Variants in SERBP1 observed in about 807,000 individuals in gnomAD.
The protein encoded by SERBP1 is SERPINE1 mRNA-binding protein 1.
In SERBP1, 6 loss-of-function variants were observed where a neutral mutation model predicts 50.2. The ratio of observed to expected loss-of-function variants is 0.12; its 90% CI spans 0.07 to 0.24. The LOEUF is 0.24. Ranked by LOEUF, SERBP1 falls within the 10% of genes least tolerant of loss-of-function variation. The probability of loss-of-function intolerance (pLI) is 1.00; values close to 1 mark genes in which losing one functional copy is unlikely to be tolerated. For missense variants in SERBP1, 346 were observed against 524.9 expected (o/e 0.66, Z 3.33); for synonymous variants, 168 against 182.8 (o/e 0.92, Z 0.65).
rs1389286843 is a variant in SERBP1 at position 67,411,453 on chromosome 1, A to C, written c.*1754T>G. 1 of 152,164 alleles carries C rather than the reference A, an allele frequency of 6.6e-6. No individual in the cohort carries two copies. Among genetic ancestry groups the C allele is most frequent in the Non-Finnish European group, 1.5e-5 (1 of 68,008 alleles). The allele number at this position is 152,164 out of a possible 1,614,324, so 9.4% of individuals were successfully genotyped here. A position where few individuals can be genotyped will look rare whatever the true frequency, so the allele number is the denominator to read the frequency against. On this transcript the variant is annotated 3_prime_UTR_variant, in exon 8 of 8. Transcript: ENST00000361219. ...GTCAATAGTTCATATGGACTAAATT[A>C]ATCTCTGGGTAGCACGTATGTGTGT...
chr1:67,429,852 T>C, intron 1 of SERBP1, 136 bp downstream of exon 1: 1 of 1,022,950 alleles, frequency 9.8e-7, no homozygotes, highest in Non-Finnish European at 1.4e-6. Context: ...CGGACTTTTG[T>C]CGCGTGAAGA....
At chr1:67,414,116 C>G (rs1666929226) in intron 7 of SERBP1, among the ~76,000 whole-genome samples, 1 of 152,180 alleles carries the variant, frequency 6.6e-6, no homozygotes, top group African/African-American at 2.4e-5. Context: ...TCCAATAAAC[C>G]ATACAAGTAG....
rs1051823186 is a variant in SERBP1 at position 67,419,993 on chromosome 1, C to T, written c.951+16G>A. 11 of 1,611,276 alleles carry T rather than the reference C, an allele frequency of 6.8e-6. No individual in the cohort carries two copies. Among genetic ancestry groups the T allele is most frequent in the Non-Finnish European group, 7.6e-6 (9 of 1,178,020 alleles). On this transcript the variant is annotated intron_variant, in intron 6 of 7. Transcript: ENST00000361219. ...CACATCTGAACATTTTCAAACACGACAAAACTTAATTTTACCTCTTCACTC... is the reference window on the plus strand; with the variant it reads ...CACATCTGAACATTTTCAAACACGATAAAACTTAATTTTACCTCTTCACTC...
In SERBP1 at chr1:67,412,970, T is replaced by C. The variant is rs1666888787; in HGVS notation, c.*237A>G. ...AAGAATGCATAATCTCTGAAAATTA[T>C]GAAAACATCCCTGCTACCAATACAT... is the stretch of plus-strand genomic sequence containing the variant. On this transcript the variant is annotated 3_prime_UTR_variant, in exon 8 of 8. Coordinates refer to ENST00000361219, the MANE Select transcript of SERBP1 (RefSeq NM_001018069.2). 7 of 537,356 alleles carry C rather than the reference T, an allele frequency of 1.3e-5. No individual in the cohort carries two copies. Among genetic ancestry groups the C allele is most frequent in the Non-Finnish European group, 2.3e-5 (7 of 310,972 alleles). 33.3% of individuals were successfully genotyped at this position (537,356 alleles called of 1,614,324 possible).
intron 7 of SERBP1, among the ~76,000 whole-genome samples, chr1:67,413,790 A>T (rs1431997288): frequency 6.6e-6 from 1 of 152,124 alleles, no homozygotes; most frequent in Non-Finnish European, 1.5e-5. Flanking sequence ...ATTCCAGAGT[A>T]ATAATATGGG....
rs1666852340 is a variant in SERBP1, at chr1:67,411,782, G to A, written c.*1425C>T. 1 of 152,116 alleles carries A rather than the reference G, an allele frequency of 6.6e-6. No individual in the cohort carries two copies. The highest frequency in any genetic ancestry group is 6.5e-5 in the Admixed American group (1 of 15,284). 9.4% of individuals were successfully genotyped at this position (152,116 alleles called of 1,614,324 possible). On this transcript the variant is annotated 3_prime_UTR_variant, in exon 8 of 8. Coordinates refer to ENST00000361219, the MANE Select transcript of SERBP1 (RefSeq NM_001018069.2). ...GGTAGAACATTTCTAAAAATGACGT[G>A]ACAAACAATTCTTAAAAATTTTTTA...
intron 5 of SERBP1, among the ~76,000 whole-genome samples, chr1:67,423,584 G>A (rs1667276496): frequency 6.7e-6 from 1 of 150,278 alleles, no homozygotes; most frequent in South Asian, 2.1e-4. Flanking sequence ...TCCAGCCTCG[G>A]CAACAGAATG....
intron 6 of SERBP1, among the ~76,000 whole-genome samples, chr1:67,416,526 C>T (rs975870615): frequency 6.6e-6 from 1 of 152,166 alleles, no homozygotes; most frequent in African/African-American, 2.4e-5. Context: ...CTTTCTTTTC[C>T]TCTTTTCCTA....
Position 67,408,313 on chromosome 1 carries a change from T to C in SERBP1, c.*4894A>G, listed in dbSNP as rs1176599236. On this transcript the variant is annotated 3_prime_UTR_variant, in exon 8 of 8. Coordinates refer to ENST00000361219, the MANE Select transcript of SERBP1 (RefSeq NM_001018069.2). ...ATATATACTTTCTTGCATATACAAG[T>C]CTCAAGAAGAGTAATGTCATACAAG... 6.6e-6 allele frequency: 1 copy of C among 152,086 alleles called. No individual in the cohort carries two copies. The highest frequency in any genetic ancestry group is 1.5e-5 in the Non-Finnish European group (1 of 68,004). 9.4% of individuals were successfully genotyped at this position (152,086 alleles called of 1,614,324 possible). A position where few individuals can be genotyped will look rare whatever the true frequency, so the allele number is the denominator to read the frequency against.
chr1:67,424,089 T>C lies in SERBP1; in HGVS notation c.773+111A>G, dbSNP rs1667292734. ...ATGAGGGTACAGTAAGTCTCCCTTGTCAAAAACAAAAAGCCATCAAGTAAC... is the reference window on the plus strand; with the variant it reads ...ATGAGGGTACAGTAAGTCTCCCTTGCCAAAAACAAAAAGCCATCAAGTAAC... On this transcript the variant is annotated intron_variant, in intron 5 of 7. Transcript: ENST00000361219. 6 of 1,145,740 alleles carry C rather than the reference T, an allele frequency of 5.2e-6. No homozygotes were observed. The Admixed American group carries it at 1.4e-4, about 26-fold the overall frequency. 71.0% of individuals were successfully genotyped at this position (1,145,740 alleles called of 1,614,324 possible). A position where few individuals can be genotyped will look rare whatever the true frequency, so the allele number is the denominator to read the frequency against.
At chr1:67,428,313 T>C (rs1343726658) in intron 1 of SERBP1, among the ~76,000 whole-genome samples, 3 of 152,248 alleles carry the variant, frequency 2.0e-5, no homozygotes. Flanking sequence ...CCACATTTGT[T>C]AACTTAAAAT....
chr1:67,415,668 T>C (rs1363360769), intron 6 of SERBP1, among the ~76,000 whole-genome samples: 7 of 152,180 alleles, frequency 4.6e-5, no homozygotes, highest in Admixed American at 3.9e-4. Flanking sequence ...TCTGGACAAG[T>C]ACATTTTAAA....
At chr1:67,420,224 G>A in intron 5 of SERBP1, 38 bp from the exon 6 acceptor site, 1 of 1,414,246 alleles carries the variant, frequency 7.1e-7, no homozygotes, top group Admixed American at 2.3e-5. Context: ...CTGGTAGAGA[G>A]CTGATATTAC....
rs1202289360 is a variant in SERBP1 at position 67,411,468 on chromosome 1, CGTAT to C, written c.*1735_*1738del. 2.0e-5 allele frequency: 3 copies of C among 152,074 alleles called. No individual in the cohort carries two copies. The highest frequency in any genetic ancestry group is 4.4e-5 in the Non-Finnish European group (3 of 68,006). The allele number at this position is 152,074 out of a possible 1,614,324, so 9.4% of individuals were successfully genotyped here. A position where few individuals can be genotyped will look rare whatever the true frequency, so the allele number is the denominator to read the frequency against. On this transcript the variant is annotated 3_prime_UTR_variant, in exon 8 of 8. Coordinates refer to ENST00000361219, the MANE Select transcript of SERBP1 (RefSeq NM_001018069.2). ...GGACTAAATTAATCTCTGGGTAGCA[CGTAT>C]GTGTGTAAATATAAAATTATATTAG...
intron 4 of SERBP1, 76 bp from the exon 5 acceptor site, chr1:67,424,353 A>C (rs1667302086): frequency 6.4e-7 from 1 of 1,566,680 alleles, no homozygotes; most frequent in Non-Finnish European, 8.6e-7. Flanking sequence ...AAAGGCATCT[A>C]GGTCCATTTA....
Position 67,430,360 on chromosome 1 carries a change from C to A in SERBP1, c.-60G>T, listed in dbSNP as rs933333995. 29 of 1,474,048 alleles carry A rather than the reference C, an allele frequency of 2.0e-5. No individual in the cohort carries two copies. The highest frequency in any genetic ancestry group is 5.7e-5 in the African/African-American group (4 of 69,980). The allele number at this position is 1,474,048 out of a possible 1,614,324, so 91.3% of individuals were successfully genotyped here. A position where few individuals can be genotyped will look rare whatever the true frequency, so the allele number is the denominator to read the frequency against. ...GCAGCGGGCCGCGCCGAGCCAAGAGCGCCTGCTTCAGCTCTTCCCACAAGA... is the reference window on the plus strand; with the variant it reads ...GCAGCGGGCCGCGCCGAGCCAAGAGAGCCTGCTTCAGCTCTTCCCACAAGA... On this transcript the variant is annotated 5_prime_UTR_variant, in exon 1 of 8. Coordinates refer to ENST00000361219, the MANE Select transcript of SERBP1 (RefSeq NM_001018069.2).
intron 2 of SERBP1, among the ~76,000 whole-genome samples, chr1:67,425,678 A>C (rs995866903): frequency 1.2e-4 from 19 of 152,220 alleles, no homozygotes; most frequent in African/African-American, 4.3e-4. Context: ...TGTTTCCATT[A>C]CAAGAGACCT....
rs1177095624 is a variant in SERBP1 at position 67,410,553 on chromosome 1, AC to A, written c.*2653del. 2.6e-5 allele frequency: 4 copies of A among 152,164 alleles called. No individual in the cohort carries two copies. The East Asian group carries it at 7.7e-4, about 29-fold the overall frequency. The allele number at this position is 152,164 out of a possible 1,614,324, so 9.4% of individuals were successfully genotyped here. A position where few individuals can be genotyped will look rare whatever the true frequency, so the allele number is the denominator to read the frequency against. On this transcript the variant is annotated 3_prime_UTR_variant, in exon 8 of 8. Transcript: ENST00000361219. Reference sequence around the variant, plus strand: ...AGGTCTCAAAATAGCTAATAAAGAAACCATGTCTCCAATCATTTCAATACAA... The same window carrying A: ...AGGTCTCAAAATAGCTAATAAAGAAACATGTCTCCAATCATTTCAATACAA...
At chr1:67,420,469 C>T (rs1228934372) in intron 5 of SERBP1, 6 of 269,302 alleles carry the variant, frequency 2.2e-5, no homozygotes. Context: ...TTTACGAATA[C>T]TAAAATACAC....
Sources: allele counts gnomAD v4.1 joint callset (sites outside exome capture counted in the v4.1 genomes callset), GRCh38; gene constraint gnomAD v4.1.1; transcripts MANE v1.5; gene names NCBI Gene and HGNC (gene_info 2026-07-23, HGNC 2026-07-21).